Variants in RAPGEF5 observed in about 807,000 individuals in gnomAD.
The protein encoded by RAPGEF5 is M-Ras-regulated GEF.
RAPGEF5 carries 65 observed loss-of-function variants against 125.2 expected under a neutral mutation model. That is an observed-to-expected ratio of 0.52 (90% CI 0.43 to 0.64). The LOEUF (loss-of-function observed/expected upper bound fraction) is 0.64, where lower values mean the gene tolerates loss of function less well. RAPGEF5 is among the 30% of genes least tolerant of loss of function. The probability of loss-of-function intolerance (pLI) is 0.00; values close to 1 mark genes in which losing one functional copy is unlikely to be tolerated. For missense variants in RAPGEF5, 958 were observed against 1,048.1 expected (o/e 0.91, Z 1.19); for synonymous variants, 391 against 385.9 (o/e 1.01, Z -0.16).
intron 9 of RAPGEF5, among the ~76,000 whole-genome samples, chr7:22,218,973 C>A (rs1416489985): frequency 6.6e-6 from 1 of 152,174 alleles, no homozygotes; most frequent in African/African-American, 2.4e-5. Context: ...CTCAGTAAAA[C>A]CCTGCCATTT....
At chr7:22,173,910 C>A (rs1001016548) in intron 11 of RAPGEF5, among the ~76,000 whole-genome samples, 2 of 152,092 alleles carry the variant, frequency 1.3e-5, no homozygotes, top group Non-Finnish European at 2.9e-5. Context: ...CATATGCATG[C>A]GTCTGCCAAG....
chr7:22,130,796 G>A (rs147059178), intron 24 of RAPGEF5, among the ~76,000 whole-genome samples: 32 of 152,154 alleles, frequency 2.1e-4, no homozygotes, highest in East Asian at 9.6e-4. Context: ...AAAACAAAAC[G>A]CAGATTTTCA....
intron 7 of RAPGEF5, among the ~76,000 whole-genome samples, chr7:22,237,380 A>G (rs1454042737): frequency 6.8e-6 from 1 of 147,184 alleles, no homozygotes; most frequent in Non-Finnish European, 1.5e-5. Flanking sequence ...TTTTTTGGAT[A>G]AACATAGAAA....
chr7:22,250,187 C>T (rs1786583907), intron 7 of RAPGEF5, among the ~76,000 whole-genome samples: 1 of 152,150 alleles, frequency 6.6e-6, no homozygotes, highest in Admixed American at 6.5e-5. Context: ...ATGTCTATCA[C>T]TAATCTTATC....
chr7:22,278,145 G>A (rs1782599272), intron 6 of RAPGEF5, among the ~76,000 whole-genome samples: 2 of 151,896 alleles, frequency 1.3e-5, no homozygotes, highest in South Asian at 2.1e-4. Context: ...TTCTCCTGTT[G>A]TACCCAAAAG....
intron 11 of RAPGEF5, among the ~76,000 whole-genome samples, chr7:22,185,004 A>T (rs998762793): frequency 6.6e-6 from 1 of 152,188 alleles, no homozygotes; most frequent in Non-Finnish European, 1.5e-5. Context: ...CACAGCTGGA[A>T]TCCAAGAAGC....
At chr7:22,295,407 A>G (rs1471174820) in intron 5 of RAPGEF5, among the ~76,000 whole-genome samples, 1 of 152,226 alleles carries the variant, frequency 6.6e-6, no homozygotes, top group Non-Finnish European at 1.5e-5. Context: ...TGAGGATTTG[A>G]GTATTAATGT....
intron 7 of RAPGEF5, among the ~76,000 whole-genome samples, chr7:22,250,252 A>G (rs1257383021): frequency 6.6e-6 from 1 of 152,210 alleles, no homozygotes; most frequent in East Asian, 1.9e-4. Flanking sequence ...GTATTTTTAT[A>G]ACCTATCTGA....
intron 7 of RAPGEF5, among the ~76,000 whole-genome samples, chr7:22,245,888 C>G (rs982996138): frequency 6.6e-6 from 1 of 152,090 alleles, no homozygotes. Flanking sequence ...GAGTTTCAGG[C>G]TACAAAATTG....
At chr7:22,294,143 A>T (rs1043891737) in intron 5 of RAPGEF5, among the ~76,000 whole-genome samples, 3 of 152,170 alleles carry the variant, frequency 2.0e-5, no homozygotes, top group Non-Finnish European at 4.4e-5. Flanking sequence ...ACAGAGAGAG[A>T]GAAGCTGTGG....
At chr7:22,288,355 C>G (rs934733657) in intron 6 of RAPGEF5, among the ~76,000 whole-genome samples, 1 of 152,078 alleles carries the variant, frequency 6.6e-6, no homozygotes, top group Non-Finnish European at 1.5e-5. Flanking sequence ...CTGTTCTTAT[C>G]TCCTCAAATG....
intron 9 of RAPGEF5, among the ~76,000 whole-genome samples, chr7:22,205,408 G>C (rs1471672033): frequency 6.6e-6 from 1 of 152,180 alleles, no homozygotes; most frequent in Non-Finnish European, 1.5e-5. Flanking sequence ...GTGATTTGAA[G>C]TACTCGACTG....
chr7:22,124,576 C>A (rs868475666), intron 25 of RAPGEF5, among the ~76,000 whole-genome samples: 2 of 152,164 alleles, frequency 1.3e-5, no homozygotes. Flanking sequence ...GAAAAAAATT[C>A]TTAAGCAGGT....
intron 9 of RAPGEF5, among the ~76,000 whole-genome samples, chr7:22,197,886 T>C (rs980810371): frequency 2.6e-5 from 1 of 37,742 alleles, no homozygotes; most frequent in Non-Finnish European, 5.3e-5. Flanking sequence ...TCTTTTTTCT[T>C]TTTTTTTGGG....
intron 6 of RAPGEF5, among the ~76,000 whole-genome samples, chr7:22,280,383 G>A (rs1162147790): frequency 6.6e-6 from 1 of 152,132 alleles, no homozygotes; most frequent in African/African-American, 2.4e-5. Context: ...AAATATGATG[G>A]GAAATGTCAA....
chr7:22,239,723 G>A (rs186337078), intron 7 of RAPGEF5, among the ~76,000 whole-genome samples: 41 of 151,750 alleles, frequency 2.7e-4, no homozygotes, highest in African/African-American at 9.7e-4. Flanking sequence ...TTTAATATAC[G>A]TCCATTCAAT....
At chr7:22,347,532 G>A (rs1169447708) in intron 1 of RAPGEF5, among the ~76,000 whole-genome samples, 1 of 151,868 alleles carries the variant, frequency 6.6e-6, no homozygotes, top group Non-Finnish European at 1.5e-5. Flanking sequence ...GCAACCGTAA[G>A]ATACATCTCA....
intron 11 of RAPGEF5, among the ~76,000 whole-genome samples, chr7:22,184,119 C>T (rs1302998897): frequency 1.3e-5 from 2 of 152,216 alleles, no homozygotes; most frequent in East Asian, 1.9e-4. Flanking sequence ...GCGAAGCCAA[C>T]TGTAGTTTCC....
intron 5 of RAPGEF5, among the ~76,000 whole-genome samples, chr7:22,293,777 C>T (rs1352424255): frequency 1.3e-5 from 2 of 152,106 alleles, no homozygotes; most frequent in African/African-American, 2.4e-5. Context: ...CAGGCAACAG[C>T]GGGAGAGCCT....
Sources: gnomAD v4.1 joint callset for allele counts (sites outside exome capture counted in the v4.1 genomes callset) on GRCh38, gnomAD v4.1.1 for gene constraint, MANE v1.5 for transcripts, NCBI Gene and HGNC (gene_info 2026-07-23, HGNC 2026-07-21) for gene names.